Variants in UBN1 observed in about 807,000 individuals in gnomAD.
UBN1 encodes ubinuclein-1.
Under a neutral mutation model 108.5 loss-of-function variants are expected in UBN1, and 17 were observed. The observed-to-expected ratio is 0.16, with a 90% CI of 0.11 to 0.24. The LOEUF is 0.24. Ranked by LOEUF, UBN1 falls within the 10% of genes least tolerant of loss-of-function variation. The pLI is 1.00. For missense variants in UBN1, 1,595 were observed against 1,394.4 expected (o/e 1.14, Z -2.29); for synonymous variants, 726 against 564.2 (o/e 1.29, Z -4.07).
At chr16:4,859,789 C>G in intron 5 of UBN1, 76 bp from the exon 6 acceptor site, 1 of 1,592,292 alleles carries the variant, frequency 6.3e-7, no homozygotes, top group Non-Finnish European at 8.5e-7. Flanking sequence ...CCGGGCGGAG[C>G]AAGGCCAGTG....
rs369575874 is a variant in UBN1, at chr16:4,875,418, C to T, written c.3008C>T (p.Ser1003Leu). The stretch of plus-strand genomic sequence containing the variant: ...CCCTCTGCAGTTAGTAGTGTGACAT[C>T]GTCTACCTCCTTGTCAGTGAGTATC... ...LKPSAVSSVT[S>L]STSLSKGASG... The change falls in exon 15 of 18, where the codon TCG becomes TTG. Residue 1003 changes from serine to leucine, a missense_variant. Ser to Leu is a moderately radical substitution (Grantham distance 145, BLOSUM62 -2). Around this residue, in one of 3 missense-constraint regions of UBN1, gnomAD observed 1,398 missense variants for 1,194.7 expected, o/e 1.17. Coordinates refer to ENST00000262376, the MANE Select transcript of UBN1 (RefSeq NM_001079514.3). The T allele has an allele frequency of 1.9e-5, 30 of 1,610,520 alleles. No individual in the cohort carries two copies. Among genetic ancestry groups the T allele is most frequent in the Middle Eastern group, 1.7e-4 (1 of 5,976 alleles).
At chr16:4,875,790 G>A (rs1039344706) in intron 15 of UBN1, among the ~76,000 whole-genome samples, 5 of 152,142 alleles carry the variant, frequency 3.3e-5, no homozygotes, top group African/African-American at 1.2e-4. Context: ...TGGAAATGCT[G>A]TCTTCTATCA....
At chr16:4,871,025 G>A (rs1042400386) in intron 11 of UBN1, 53 bp downstream of exon 11, 2 of 1,609,544 alleles carry the variant, frequency 1.2e-6, no homozygotes, top group African/African-American at 2.7e-5. Flanking sequence ...GGCAGTGTCT[G>A]AGCACGTCCC....
At chr16:4,859,002 G>T in intron 4 of UBN1, 23 bp from the exon 5 acceptor site, 3 of 1,609,828 alleles carry the variant, frequency 1.9e-6, no homozygotes, top group South Asian at 1.1e-5. Context: ...ACTTGGAGCT[G>T]ACAGTTTGTT....
At chr16:4,849,467 TAGA>T (rs2086423844) in intron 1 of UBN1, among the ~76,000 whole-genome samples, 1 of 151,396 alleles carries the variant, frequency 6.6e-6, no homozygotes, top group African/African-American at 2.5e-5. Context: ...ATACAATGTT[TAGA>T]AGGAGATATA....
In UBN1 at chr16:4,881,956, A is replaced by G. The variant is rs527582931; in HGVS notation, c.*1824A>G. On this transcript the variant is annotated 3_prime_UTR_variant, in exon 18 of 18. Coordinates refer to ENST00000262376, the MANE Select transcript of UBN1 (RefSeq NM_001079514.3). ...TTCCCTTTGGTGCTCCCTCCTCCCCACGTACCATTGCGCGTGCAGCTGGAG... is the reference window on the plus strand; with the variant it reads ...TTCCCTTTGGTGCTCCCTCCTCCCCGCGTACCATTGCGCGTGCAGCTGGAG... 6.7e-6 allele frequency: 1 copy of G among 150,208 alleles called. No homozygotes were observed. Among genetic ancestry groups the G allele is most frequent in the African/African-American group, 2.5e-5 (1 of 40,698 alleles). The allele number at this position is 150,208 out of a possible 1,614,324, so 9.3% of individuals were successfully genotyped here.
chr16:4,874,458 T>C lies in UBN1; in HGVS notation c.2048T>C (p.Leu683Ser). Reference sequence around the variant, plus strand: ...GCCGTGTCCAAGGAATTGGCTGCATTGAATAGCAGAGCAGCTGGGAACTCT... The same window carrying C: ...GCCGTGTCCAAGGAATTGGCTGCATCGAATAGCAGAGCAGCTGGGAACTCT... ...VEAVSKELAALNSRAAGNSEF... is the reference protein window; with the variant it reads ...VEAVSKELAASNSRAAGNSEF... Residue 683 changes from leucine to serine, a missense_variant, in exon 15 of 18, where the codon TTG becomes TCG. Coordinates refer to ENST00000262376, the MANE Select transcript of UBN1 (RefSeq NM_001079514.3). 3 of 1,614,192 alleles carry C rather than the reference T, an allele frequency of 1.9e-6. No individual in the cohort carries two copies. Among genetic ancestry groups the C allele is most frequent in the Non-Finnish European group, 1.7e-6 (2 of 1,180,034 alleles).
chr16:4,875,435 G>C lies in UBN1; in HGVS notation c.3024+1G>C. 6.2e-7 allele frequency: 1 copy of C among 1,605,670 alleles called. No individual in the cohort carries two copies. The highest frequency in any genetic ancestry group is 8.5e-7 in the Non-Finnish European group (1 of 1,174,488). ...TGTGACATCGTCTACCTCCTTGTCAGTGAGTATCTGTCATAGCAGCCTGCC... is the reference window on the plus strand; with the variant it reads ...TGTGACATCGTCTACCTCCTTGTCACTGAGTATCTGTCATAGCAGCCTGCC... On this transcript the variant is annotated splice_donor_variant, in intron 15 of 17. Transcript: ENST00000262376. LOFTEE classifies it high-confidence loss of function.
chr16:4,873,703 G>C lies in UBN1; in HGVS notation c.1801-508G>C, dbSNP rs561675019. Among the ~76,000 whole-genome samples the C allele has an allele frequency of 2.6e-5, 4 of 152,282 alleles. No homozygotes were observed. The South Asian group carries it at 8.3e-4, about 32-fold the overall frequency. Reference sequence around the variant, plus strand: ...CCAGACACACTGTATTAAGCACCAGGGATGCAGGAGTGAAGGATTAGACCC... The same window carrying C: ...CCAGACACACTGTATTAAGCACCAGCGATGCAGGAGTGAAGGATTAGACCC... On this transcript the variant is annotated intron_variant, in intron 14 of 17. Transcript: ENST00000262376.
chr16:4,849,596 C>CTTTTTT (rs372351491), intron 1 of UBN1, among the ~76,000 whole-genome samples: 1 of 150,588 alleles, frequency 6.6e-6, no homozygotes, highest in African/African-American at 2.5e-5. Flanking sequence ...TTGTTTTTTT[C>CTTTTTT]TTTTTTTTGT....
rs1348770708 is a variant in UBN1, at chr16:4,881,100, G to A, written c.*968G>A. On this transcript the variant is annotated 3_prime_UTR_variant, in exon 18 of 18. Coordinates refer to ENST00000262376, the MANE Select transcript of UBN1 (RefSeq NM_001079514.3). ...CCAGGGCTCCCATTTTGTTTTTCCA[G>A]AGTTCGTGGAGGTGGACTGCAGAGC... 6.6e-6 allele frequency: 1 copy of A among 152,668 alleles called. No homozygotes were observed. Among genetic ancestry groups the A allele is most frequent in the African/African-American group, 2.4e-5 (1 of 41,548 alleles). 9.5% of individuals were successfully genotyped at this position (152,668 alleles called of 1,614,324 possible).
chr16:4,871,322 T>A, intron 12 of UBN1, 21 bp downstream of exon 12: 1 of 1,611,370 alleles, frequency 6.2e-7, no homozygotes. Flanking sequence ...TGTGCTGAGA[T>A]GGGCATCTGT....
rs1210929461 is a variant in UBN1, at chr16:4,870,856, G to C, written c.1443G>C (p.Glu481Asp). 3.7e-6 allele frequency: 6 copies of C among 1,613,936 alleles called. No individual in the cohort carries two copies. The highest frequency in any genetic ancestry group is 5.1e-6 in the Non-Finnish European group (6 of 1,179,920). Residue 481 changes from glutamate (E) to aspartate (D), a missense_variant, in exon 11 of 18, where the codon GAG becomes GAC. Transcript: ENST00000262376. ...TQAKVAKMLE[E>D]EKDKEQRDRI... is the part of the protein sequence containing the mutation. ...ATTCACCCCGTAGGATGCTGGAAGA[G>C]GAGAAAGACAAGGAGCAGAGGGACC...
At chr16:4,860,600 G>C in intron 6 of UBN1, 64 bp from the exon 7 acceptor site, 1 of 1,495,758 alleles carries the variant, frequency 6.7e-7, no homozygotes. Context: ...AGGGGTGAAG[G>C]CCTCTGGAGT....
At chr16:4,867,969 G>C (rs1376455792) in intron 7 of UBN1, among the ~76,000 whole-genome samples, 1 of 152,164 alleles carries the variant, frequency 6.6e-6, no homozygotes, top group Non-Finnish European at 1.5e-5. Context: ...GCACATCAGT[G>C]TTCCCAGGGT....
At chr16:4,873,555 T>C (rs182350835) in intron 14 of UBN1, among the ~76,000 whole-genome samples, 2 of 152,280 alleles carry the variant, frequency 1.3e-5, no homozygotes, top group South Asian at 2.1e-4. Context: ...GTAGTAAAAA[T>C]TGCTGTTTAT....
chr16:4,872,547 C>T (rs2087698439), intron 12 of UBN1, among the ~76,000 whole-genome samples: 1 of 152,234 alleles, frequency 6.6e-6, no homozygotes. Context: ...CGGCTCACTG[C>T]AACCTCCGCC....
At chr16:4,849,938 C>T (rs1318052509) in intron 1 of UBN1, among the ~76,000 whole-genome samples, 2 of 65,992 alleles carry the variant, frequency 3.0e-5, no homozygotes, top group South Asian at 6.1e-4. Context: ...AGGAGTGAGG[C>T]AACTGTCTCA....
chr16:4,853,028 C>T lies in UBN1; in HGVS notation c.111C>T (p.Asp37=), dbSNP rs780366364. ...CTGGGGCAGGAGAACAGCATCAGGACTGTGAGCCGGCTGCAGCAGCTGTTC... is the reference window on the plus strand; with the variant it reads ...CTGGGGCAGGAGAACAGCATCAGGATTGTGAGCCGGCTGCAGCAGCTGTTC... The part of the protein sequence containing the change: ...EEAGAGEQHQ[D]CEPAAAAVRI... Residue 37 remains aspartate, a synonymous_variant, in exon 2 of 18, where the codon GAC becomes GAT. Coordinates refer to ENST00000262376, the MANE Select transcript of UBN1 (RefSeq NM_001079514.3). 7 of 1,614,112 alleles carry T rather than the reference C, an allele frequency of 4.3e-6. No homozygotes were observed. The highest frequency in any genetic ancestry group is 3.3e-5 in the South Asian group (3 of 91,094).
Sources: allele counts gnomAD v4.1 joint callset (sites outside exome capture counted in the v4.1 genomes callset), GRCh38; gene constraint gnomAD v4.1.1; regional missense constraint gnomAD v4.1.1; transcripts MANE v1.5; gene names NCBI Gene and HGNC (gene_info 2026-07-23, HGNC 2026-07-21).